Variants in CPSF4 observed in about 807,000 individuals in gnomAD.
CPSF4 encodes cleavage and polyadenylation specific factor 4.
A neutral mutation model predicts 37.7 loss-of-function variants in CPSF4; 11 were observed. That is an observed-to-expected ratio of 0.29 (90% confidence interval 0.18 to 0.48). The LOEUF is 0.48. Ranked by LOEUF, CPSF4 falls within the 20% of genes least tolerant of loss-of-function variation. CPSF4 has a pLI of 0.99. For synonymous variants in CPSF4, 132 were observed against 135.9 expected (o/e 0.97, Z 0.20); for missense variants, 144 against 359.5 (o/e 0.40, Z 4.85).
In CPSF4 at chr7:99,454,105, C is replaced by A; in HGVS notation, c.710C>A (p.Pro237His). 3.7e-6 allele frequency: 6 copies of A among 1,614,040 alleles called. No individual in the cohort carries two copies. Among genetic ancestry groups the A allele is most frequent in the African/African-American group, 1.3e-5 (1 of 75,068 alleles). Residue 237 changes from proline to histidine, a missense_variant, in exon 7 of 8, where the codon CCC becomes CAC. Physicochemically the swap from Pro to His is moderately conservative, Grantham distance 77. Coordinates refer to ENST00000292476, the MANE Select transcript of CPSF4 (RefSeq NM_006693.4). ...AACAGCAGCGCGGGCAACCGGGGAC[C>A]CCGGCCACTGGAGCAGGTCACCTGT... ...SQNSSAGNRG[P>H]RPLEQVTCYK...
At chr7:99,454,756 T>C (rs1331844587) in intron 7 of CPSF4, among the ~76,000 whole-genome samples, 1 of 152,206 alleles carries the variant, frequency 6.6e-6, no homozygotes, top group African/African-American at 2.4e-5. Context: ...CTAAGTTTTC[T>C]AATCTAAAAT....
At chr7:99,446,345 T>G (rs1797489464) in intron 2 of CPSF4, among the ~76,000 whole-genome samples, 1 of 152,192 alleles carries the variant, frequency 6.6e-6, no homozygotes, top group South Asian at 2.1e-4. Flanking sequence ...CAAATCACAT[T>G]TAAAACAAAA....
intron 7 of CPSF4, among the ~76,000 whole-genome samples, chr7:99,456,048 CG>C (rs1798283088): frequency 6.6e-6 from 1 of 152,218 alleles, no homozygotes; most frequent in Non-Finnish European, 1.5e-5. Context: ...GGTCCCCAGA[CG>C]GGGTGGCGGA....
chr7:99,446,424 C>G (rs1450460115), intron 2 of CPSF4, among the ~76,000 whole-genome samples: 1 of 152,182 alleles, frequency 6.6e-6, no homozygotes. Flanking sequence ...CCATATTGGA[C>G]AGCAGAAGTG....
At position 99,440,674 on chromosome 7, in the gene CPSF4, A is replaced by ATATATATATTTTT; in HGVS notation, c.103+1490_103+1491insATATATATTTTTT. 2.7e-4 allele frequency among the ~76,000 whole-genome samples: 24 copies of ATATATATATTTTT among 88,086 alleles called. 1 individual carries two copies. The highest frequency in any genetic ancestry group is 2.3e-3 in the African/African-American group (24 of 10,310). The allele number at this position is 88,086 out of a possible 152,430, so 57.8% of individuals were successfully genotyped here. On this transcript the variant is annotated intron_variant, in intron 1 of 7. Transcript: ENST00000292476. ...ACCTGGCATATATATATATATATATATTTTTTTTTTTTTTTTTTTCCTGCC... is the reference window on the plus strand; with the variant it reads ...ACCTGGCATATATATATATATATATATATATATATTTTTTTTTTTTTTTTTTTTTTTTCCTGCC...
intron 1 of CPSF4, among the ~76,000 whole-genome samples, chr7:99,444,411 C>T (rs975569653): frequency 1.3e-5 from 2 of 151,824 alleles, no homozygotes; most frequent in African/African-American, 4.8e-5. Flanking sequence ...GAGCCAAGAT[C>T]GCGTCATTGC....
At chr7:99,443,588 C>T (rs867129841) in intron 1 of CPSF4, 31 of 548,512 alleles carry the variant, frequency 5.7e-5, no homozygotes, top group Admixed American at 8.8e-5. Flanking sequence ...CCAAGGCAGG[C>T]GGATCACGAG....
At chr7:99,455,102 C>T (rs973390042) in intron 7 of CPSF4, among the ~76,000 whole-genome samples, 7 of 151,996 alleles carry the variant, frequency 4.6e-5, no homozygotes, top group Non-Finnish European at 1.5e-5. Context: ...GTAGAGCAGA[C>T]TTAGCTGTTA....
At chr7:99,440,674 A>ATATATATATATT in intron 1 of CPSF4, among the ~76,000 whole-genome samples, 1 of 88,088 alleles carries the variant, frequency 1.1e-5, no homozygotes, top group African/African-American at 9.7e-5. Context: ...ATATATATAT[A>ATATATATATATT]TTTTTTTTTT....
chr7:99,453,783 C>T lies in CPSF4; in HGVS notation c.571-183C>T. 1.7e-6 allele frequency: 1 copy of T among 599,334 alleles called. No individual in the cohort carries two copies. Among genetic ancestry groups the T allele is most frequent in the Non-Finnish European group, 3.0e-6 (1 of 338,664 alleles). The allele number at this position is 599,334 out of a possible 1,614,324, so 37.1% of individuals were successfully genotyped here. The stretch of plus-strand genomic sequence containing the variant: ...GTGTGTCTGCATGGTGTTTTTCGGG[C>T]AGTGGCTTCTGCCATCATCACCACA... On this transcript the variant is annotated intron_variant, in intron 6 of 7. Transcript: ENST00000292476. The surrounding 1 kb of genome is among the most constrained non-coding windows in gnomAD (Gnocchi z 4.7).
At chr7:99,447,748 C>T (rs1318933007) in intron 2 of CPSF4, 8 of 432,760 alleles carry the variant, frequency 1.8e-5, no homozygotes, top group Non-Finnish European at 2.9e-5. Flanking sequence ...AGCCACCATG[C>T]GCGGCTAATT....
intron 1 of CPSF4, among the ~76,000 whole-genome samples, chr7:99,442,666 A>AAAC (rs1397309196): frequency 1.3e-5 from 2 of 151,234 alleles, no homozygotes; most frequent in African/African-American, 2.4e-5. Flanking sequence ...AAAAAAAAAA[A>AAAC]AAAAAAAAAC....
At chr7:99,446,821 C>CTTTTTTTTTTTTTT (rs1797543686) in intron 2 of CPSF4, among the ~76,000 whole-genome samples, 1 of 73,560 alleles carries the variant, frequency 1.4e-5, no homozygotes, top group African/African-American at 6.0e-5. Flanking sequence ...CGGAGTTTTG[C>CTTTTTTTTTTTTTT]TCTTGTTGCC....
rs959901903 is a variant in CPSF4 at position 99,448,997 on chromosome 7, G to A, written c.307+724G>A. ...GTGGAGTCAGTGGGGCTGGCACGGA[G>A]TCTGGCAGAGATGTGCTCCCTGCTG... On this transcript the variant is annotated intron_variant, in intron 3 of 7. Transcript: ENST00000292476. This position sits in a 1 kb window ranked among gnomAD's most constrained non-coding sequence, Gnocchi z 4.4. The A allele has an allele frequency of 1.3e-5, 2 of 152,624 alleles. No homozygotes were observed. Among genetic ancestry groups the A allele is most frequent in the African/African-American group, 4.8e-5 (2 of 41,470 alleles). The allele number at this position is 152,624 out of a possible 1,614,324, so 9.5% of individuals were successfully genotyped here.
chr7:99,444,374 T>C (rs1732255047), intron 1 of CPSF4, among the ~76,000 whole-genome samples: 1 of 152,228 alleles, frequency 6.6e-6, no homozygotes, highest in Non-Finnish European at 1.5e-5. Flanking sequence ...AGAGAATTGC[T>C]TGAACCTGGG....
intron 1 of CPSF4, chr7:99,442,742 A>T: frequency 1.7e-6 from 1 of 588,734 alleles, no homozygotes; most frequent in Non-Finnish European, 3.0e-6. Context: ...GCAATAAGTC[A>T]AACTGCCGCG....
At chr7:99,442,655 C>CAAAA (rs751146641) in intron 1 of CPSF4, among the ~76,000 whole-genome samples, 4,688 of 52,116 alleles carry the variant, frequency 0.09, 407 homozygotes, top group African/African-American at 0.15. Context: ...GACTCCGTCT[C>CAAAA]AAAAAAAAAA....
intron 1 of CPSF4, chr7:99,441,309 G>A: frequency 2.3e-6 from 1 of 431,978 alleles, no homozygotes; most frequent in Non-Finnish European, 4.7e-6. Context: ...ACGCAGGGCA[G>A]CTCTTTTCCT....
chr7:99,442,915 T>C (rs1486153842), intron 1 of CPSF4: 9 of 1,465,988 alleles, frequency 6.1e-6, no homozygotes, highest in Non-Finnish European at 8.6e-6. Context: ...GCTCTTTTCC[T>C]CTTCTTTGCC....
Sources: gnomAD v4.1 joint callset for allele counts (sites outside exome capture counted in the v4.1 genomes callset) on GRCh38, gnomAD v4.1.1 for gene constraint, Gnocchi (gnomAD v3.1) non-coding constraint, MANE v1.5 for transcripts, NCBI Gene and HGNC (gene_info 2026-07-23, HGNC 2026-07-21) for gene names.